CNTN4: variants seen among roughly 807,000 people sequenced by gnomAD.
CNTN4 encodes contactin 4, also known as contactin-4.
Under a neutral mutation model 122.5 loss-of-function variants are expected in CNTN4, and 77 were observed. That is an observed-to-expected ratio of 0.63 (90% CI 0.52 to 0.76). The LOEUF (loss-of-function observed/expected upper bound fraction) is 0.76, where lower values mean the gene tolerates loss of function less well. CNTN4 is among the 30% of genes least tolerant of loss of function. The pLI is 0.00. For synonymous variants in CNTN4, 512 were observed against 447.0 expected (o/e 1.15, Z -1.83); for missense variants, 1,256 against 1,259.1 (o/e 1.00, Z 0.04).
At chr3:2,840,009 G>A (rs1449979410) in intron 7 of CNTN4, among the ~76,000 whole-genome samples, 3 of 152,122 alleles carry the variant, frequency 2.0e-5, no homozygotes, top group Non-Finnish European at 2.9e-5. Context: ...TCTTAAATAG[G>A]AGCCAAGATC....
At chr3:2,627,934 C>A (rs188292844) in intron 4 of CNTN4, among the ~76,000 whole-genome samples, 1 of 152,322 alleles carries the variant, frequency 6.6e-6, no homozygotes, top group East Asian at 1.9e-4. Context: ...GTCAAGTAAT[C>A]ACAAAAGTTG....
intron 3 of CNTN4, among the ~76,000 whole-genome samples, chr3:2,482,768 G>T (rs752353503): frequency 2.0e-5 from 3 of 152,206 alleles, no homozygotes; most frequent in Non-Finnish European, 4.4e-5. Context: ...CATGGTGTTG[G>T]TCCTCTGTAT....
chr3:2,842,668 G>T (rs984377151), intron 7 of CNTN4, among the ~76,000 whole-genome samples: 5 of 152,126 alleles, frequency 3.3e-5, no homozygotes, highest in African/African-American at 1.2e-4. Flanking sequence ...GCTCTCTTCA[G>T]TGATGTCCAC....
intron 2 of CNTN4, among the ~76,000 whole-genome samples, chr3:2,180,274 T>C (rs577569571): frequency 3.1e-4 from 47 of 152,142 alleles, no homozygotes; most frequent in African/African-American, 1.1e-3. Flanking sequence ...TACTAGGTCA[T>C]GTAGGATACT....
At chr3:3,001,872 C>A (rs1170478971) in intron 14 of CNTN4, among the ~76,000 whole-genome samples, 1 of 152,158 alleles carries the variant, frequency 6.6e-6, no homozygotes, top group African/African-American at 2.4e-5. Flanking sequence ...ATTTCACTCC[C>A]ATATCTATAC....
intron 12 of CNTN4, among the ~76,000 whole-genome samples, chr3:2,906,498 T>G (rs904858050): frequency 7.2e-5 from 11 of 152,102 alleles, no homozygotes; most frequent in Non-Finnish European, 1.2e-4. Flanking sequence ...AATAAAAATT[T>G]TGATTCAAAT....
intron 3 of CNTN4, among the ~76,000 whole-genome samples, chr3:2,358,216 T>C (rs1227383589): frequency 6.6e-6 from 1 of 152,192 alleles, no homozygotes; most frequent in African/African-American, 2.4e-5. Context: ...CTTAACAGTT[T>C]GAGGAATGTT....
At chr3:2,949,229 T>C (rs575142492) in intron 13 of CNTN4, among the ~76,000 whole-genome samples, 3 of 152,266 alleles carry the variant, frequency 2.0e-5, no homozygotes, top group African/African-American at 7.2e-5. Context: ...AGCTGAAATG[T>C]TGTCTTTGCA....
At chr3:2,859,475 T>A (rs1231089891) in intron 7 of CNTN4, among the ~76,000 whole-genome samples, 2 of 152,022 alleles carry the variant, frequency 1.3e-5, no homozygotes, top group Non-Finnish European at 1.5e-5. Flanking sequence ...GTCTGTCCTG[T>A]GCACTGTCAC....
intron 4 of CNTN4, among the ~76,000 whole-genome samples, chr3:2,612,127 C>G (rs907240209): frequency 7.7e-6 from 1 of 130,324 alleles, no homozygotes; most frequent in African/African-American, 3.0e-5. Context: ...CACACACACA[C>G]ACACACACAC....
chr3:2,842,534 C>A (rs2093381063), intron 7 of CNTN4, among the ~76,000 whole-genome samples: 1 of 152,170 alleles, frequency 6.6e-6, no homozygotes, highest in Non-Finnish European at 1.5e-5. Context: ...AAGAAACTCC[C>A]ACTGCTCAAT....
chr3:2,981,235 G>C (rs1693947254), intron 13 of CNTN4, among the ~76,000 whole-genome samples: 1 of 152,092 alleles, frequency 6.6e-6, no homozygotes, highest in African/African-American at 2.4e-5. Context: ...ACGAGGTCAG[G>C]AGATCGAGAC....
chr3:2,197,249 G>A (rs1326645136), intron 2 of CNTN4, among the ~76,000 whole-genome samples: 2 of 152,090 alleles, frequency 1.3e-5, no homozygotes, highest in Non-Finnish European at 2.9e-5. Context: ...CGGATGCTCT[G>A]TTTACCTGGA....
intron 14 of CNTN4, among the ~76,000 whole-genome samples, chr3:3,014,822 C>T (rs1485457988): frequency 6.7e-6 from 1 of 150,334 alleles, no homozygotes; most frequent in East Asian, 2.0e-4. Flanking sequence ...AAGTTGTAAA[C>T]ATCTCTCTGA....
intron 4 of CNTN4, among the ~76,000 whole-genome samples, chr3:2,630,228 A>G (rs1231489595): frequency 2.0e-5 from 3 of 152,178 alleles, no homozygotes; most frequent in African/African-American, 7.2e-5. Flanking sequence ...TGAGGTCAGG[A>G]GTTCAAGACC....
intron 8 of CNTN4, among the ~76,000 whole-genome samples, chr3:2,876,947 G>A (rs1181267947): frequency 6.6e-6 from 1 of 152,194 alleles, no homozygotes; most frequent in Non-Finnish European, 1.5e-5. Flanking sequence ...CTTCAGACCA[G>A]CAGCATCAAC....
intron 2 of CNTN4, among the ~76,000 whole-genome samples, chr3:2,195,742 T>G (rs2037805880): frequency 6.6e-6 from 1 of 152,186 alleles, no homozygotes; most frequent in Non-Finnish European, 1.5e-5. Context: ...TCCTGGAGGT[T>G]TGCCATCAAA....
At chr3:2,349,087 G>A (rs2044510975) in intron 3 of CNTN4, among the ~76,000 whole-genome samples, 1 of 151,922 alleles carries the variant, frequency 6.6e-6, no homozygotes, top group South Asian at 2.1e-4. Flanking sequence ...TTACATTATT[G>A]CAATAAATGT....
chr3:2,323,996 T>C (rs1575374279), intron 2 of CNTN4, among the ~76,000 whole-genome samples: 1 of 152,190 alleles, frequency 6.6e-6, no homozygotes, highest in Admixed American at 6.5e-5. Context: ...ACTGTTCACA[T>C]TTTGGGCTAG....
Sources: gnomAD v4.1 joint callset for allele counts (sites outside exome capture counted in the v4.1 genomes callset) on GRCh38, gnomAD v4.1.1 for gene constraint, MANE v1.5 for transcripts, NCBI Gene and HGNC (gene_info 2026-07-23, HGNC 2026-07-21) for gene names.